Variants in SMAD2 observed in about 807,000 individuals in gnomAD.
SMAD2 encodes the protein MAD homolog 2.
SMAD2 carries 8 observed loss-of-function variants against 64.4 expected under a neutral mutation model. That is an observed-to-expected ratio of 0.12 (90% CI 0.07 to 0.22). The LOEUF (loss-of-function observed/expected upper bound fraction) is 0.22. SMAD2 is among the 10% of genes least tolerant of loss of function. SMAD2 has a pLI of 1.00. For synonymous variants in SMAD2, 203 were observed against 195.8 expected, an observed-to-expected ratio of 1.04 and a Z score of -0.31; for missense variants, 289 against 561.2, an observed-to-expected ratio of 0.51 and a Z score of 4.90.
In SMAD2 at chr18:47,850,314, ATATACATATTATGTATAAT is replaced by A. The variant is rs1568040323; in HGVS notation, c.784+941_784+959del. The stretch of plus-strand genomic sequence containing the variant: ...ATGTATAATATATATTATGTATGTT[ATATACATATTATGTATAAT>A]ATATGTTATATATATTATACATAAT... On this transcript the variant is annotated intron_variant, in intron 7 of 10. Coordinates refer to ENST00000262160, the MANE Select transcript of SMAD2 (RefSeq NM_005901.6). Among the ~76,000 whole-genome samples the A allele has an allele frequency of 4.9e-4, 15 of 30,434 alleles. 3 individuals carry two copies. The highest frequency in any genetic ancestry group is 3.6e-3 in the East Asian group (3 of 844). The allele number at this position is 30,434 out of a possible 152,430, so 20.0% of individuals were successfully genotyped here.
chr18:47,821,915 G>T lies in SMAD2; in HGVS notation c.*19912C>A, dbSNP rs983005865. On this transcript the variant is annotated 3_prime_UTR_variant, in exon 11 of 11. Coordinates refer to ENST00000262160, the MANE Select transcript of SMAD2 (RefSeq NM_005901.6). ...TTCGAACTTTTGACATCTTTGACAG[G>T]CTTCTCTAGGCTCAAGTTCTAAATT... 6.6e-6 allele frequency: 1 copy of T among 152,112 alleles called. No homozygotes were observed. The highest frequency in any genetic ancestry group is 1.9e-4 in the East Asian group (1 of 5,194). The allele number at this position is 152,112 out of a possible 1,614,324, so 9.4% of individuals were successfully genotyped here. A position where few individuals can be genotyped will look rare whatever the true frequency, so the allele number is the denominator to read the frequency against.
chr18:47,895,292 CCT>C (rs1387952342), intron 2 of SMAD2: 1 of 152,156 alleles, frequency 6.6e-6, no homozygotes, highest in Non-Finnish European at 1.5e-5. Context: ...CTGGCTCTTC[CCT>C]CTGCCTAGAA....
At chr18:47,894,824 T>C (rs974953323) in intron 2 of SMAD2, among the ~76,000 whole-genome samples, 1 of 152,200 alleles carries the variant, frequency 6.6e-6, no homozygotes, top group African/African-American at 2.4e-5. Flanking sequence ...AGTGGGCATA[T>C]GATAAATGGT....
rs1176684519 is a variant in SMAD2, at chr18:47,831,080, G to A, written c.*10747C>T. The A allele has an allele frequency of 6.6e-6, 1 of 152,298 alleles. No homozygotes were observed. The highest frequency in any genetic ancestry group is 2.4e-5 in the African/African-American group (1 of 41,462). 9.4% of individuals were successfully genotyped at this position (152,298 alleles called of 1,614,324 possible). On this transcript the variant is annotated 3_prime_UTR_variant, in exon 11 of 11. Coordinates refer to ENST00000262160, the MANE Select transcript of SMAD2 (RefSeq NM_005901.6). ...ACCACTGCCCCCAAATGACTGCTCA[G>A]AAGCACAATCTCACTGCAAACTATG...
rs1188531124 is a variant in SMAD2, at chr18:47,836,799, C to T, written c.*5028G>A. 1 of 217,472 alleles carries T rather than the reference C, an allele frequency of 4.6e-6. No individual in the cohort carries two copies. Among genetic ancestry groups the T allele is most frequent in the Admixed American group, 5.9e-5 (1 of 17,068 alleles). 13.5% of individuals were successfully genotyped at this position (217,472 alleles called of 1,614,324 possible). On this transcript the variant is annotated 3_prime_UTR_variant, in exon 11 of 11. Transcript: ENST00000262160. ...GGCTATCTAGTATAGCTCATATTTC[C>T]TGGTTGTAAGGCTCAAAACACAGGA...
At chr18:47,874,664 G>A (rs918096597) in intron 2 of SMAD2, among the ~76,000 whole-genome samples, 2 of 152,014 alleles carry the variant, frequency 1.3e-5, no homozygotes, top group Admixed American at 6.6e-5. Context: ...ATATGGAAAG[G>A]TCTAAAATAT....
chr18:47,925,324 A>C (rs2034720135), intron 1 of SMAD2, among the ~76,000 whole-genome samples: 1 of 152,194 alleles, frequency 6.6e-6, no homozygotes, highest in Non-Finnish European at 1.5e-5. Flanking sequence ...AAGACTACAA[A>C]CCTAAAGATA....
chr18:47,864,420 T>C (rs908973939), intron 6 of SMAD2, among the ~76,000 whole-genome samples: 5 of 152,168 alleles, frequency 3.3e-5, no homozygotes, highest in Admixed American at 6.5e-5. Context: ...CAGGTTGTGA[T>C]ATTAAGGTGT....
chr18:47,885,470 T>G (rs2032852282), intron 2 of SMAD2, among the ~76,000 whole-genome samples: 2 of 152,026 alleles, frequency 1.3e-5, no homozygotes. Context: ...GTCTGGCCAA[T>G]ATATACTGTT....
Position 47,825,676 on chromosome 18 carries a change from C to T in SMAD2, c.*16151G>A, listed in dbSNP as rs1420538537. Reference sequence around the variant, plus strand: ...AAAAGCTGAGGACTGCTGTCGACTCCACTTTCAAGGGCTACCAAGCACAGC... The same window carrying T: ...AAAAGCTGAGGACTGCTGTCGACTCTACTTTCAAGGGCTACCAAGCACAGC... On this transcript the variant is annotated 3_prime_UTR_variant, in exon 11 of 11. Coordinates refer to ENST00000262160, the MANE Select transcript of SMAD2 (RefSeq NM_005901.6). 3 of 152,238 alleles carry T rather than the reference C, an allele frequency of 2.0e-5. No homozygotes were observed. Among genetic ancestry groups the T allele is most frequent in the African/African-American group, 7.2e-5 (3 of 41,438 alleles). The allele number at this position is 152,238 out of a possible 1,614,324, so 9.4% of individuals were successfully genotyped here.
At chr18:47,859,292 A>G (rs1163281656) in intron 6 of SMAD2, among the ~76,000 whole-genome samples, 1 of 152,192 alleles carries the variant, frequency 6.6e-6, no homozygotes, top group Non-Finnish European at 1.5e-5. Flanking sequence ...GAGATTTTAA[A>G]AAATCATAAA....
At chr18:47,886,561 ATATC>A (rs1555655772) in intron 2 of SMAD2, among the ~76,000 whole-genome samples, 1 of 135,114 alleles carries the variant, frequency 7.4e-6, no homozygotes, top group African/African-American at 2.8e-5. Flanking sequence ...AACTATATCT[ATATC>A]TATCCATCTA....
rs959314878 is a variant in SMAD2 at position 47,821,051 on chromosome 18, G to T, written c.*20776C>A. 1.3e-5 allele frequency: 2 copies of T among 151,970 alleles called. No homozygotes were observed. Among genetic ancestry groups the T allele is most frequent in the African/African-American group, 4.8e-5 (2 of 41,384 alleles). 9.4% of individuals were successfully genotyped at this position (151,970 alleles called of 1,614,324 possible). A position where few individuals can be genotyped will look rare whatever the true frequency, so the allele number is the denominator to read the frequency against. ...AAAATCAGCCATCTTCTAAACCACA[G>T]TTTAAATTTCTGCCATATTTCCTTC... is the stretch of plus-strand genomic sequence containing the variant. On this transcript the variant is annotated 3_prime_UTR_variant, in exon 11 of 11. Transcript: ENST00000262160.
chr18:47,843,678 G>C lies in SMAD2; in HGVS notation c.1280+1662C>G, dbSNP rs1914194456. On this transcript the variant is annotated intron_variant, in intron 10 of 10. Transcript: ENST00000262160. ...CAGATAGATGGATATTTGCCATTTT[G>C]ATTTGTAAATGTTACAGGAAACTAC... 2.0e-5 allele frequency among the ~76,000 whole-genome samples: 3 copies of C among 152,266 alleles called. No individual in the cohort carries two copies. The South Asian group carries it at 6.2e-4, about 32-fold the overall frequency.
At chr18:47,926,016 T>C (rs780953298) in intron 1 of SMAD2, among the ~76,000 whole-genome samples, 1 of 152,256 alleles carries the variant, frequency 6.6e-6, no homozygotes, top group Non-Finnish European at 1.5e-5. Context: ...TGAAAATTTA[T>C]ATGATACTCC....
intron 1 of SMAD2, among the ~76,000 whole-genome samples, chr18:47,910,318 T>G (rs58060476): frequency 0.057 from 8,604 of 151,660 alleles, 630 homozygotes; most frequent in East Asian, 0.21. Flanking sequence ...CTCCAGATGA[T>G]GAGGAAGAAG....
At chr18:47,842,409 G>A (rs1046966063) in intron 10 of SMAD2, among the ~76,000 whole-genome samples, 6 of 152,002 alleles carry the variant, frequency 3.9e-5, no homozygotes, top group African/African-American at 9.7e-5. Flanking sequence ...GCGTGGTGGC[G>A]TGTGCCTGTA....
In SMAD2 at chr18:47,840,363, CATA is replaced by C. The variant is rs1913826934; in HGVS notation, c.*1461_*1463del. On this transcript the variant is annotated 3_prime_UTR_variant, in exon 11 of 11. Transcript: ENST00000262160. ...TAAACTGCAATGAGTCAACATCAGA[CATA>C]ATAATTATTTGCTGCAGAATGAACT... 4.3e-6 allele frequency: 1 copy of C among 232,696 alleles called. No individual in the cohort carries two copies. The highest frequency in any genetic ancestry group is 2.2e-5 in the African/African-American group (1 of 45,310). 14.4% of individuals were successfully genotyped at this position (232,696 alleles called of 1,614,324 possible). A position where few individuals can be genotyped will look rare whatever the true frequency, so the allele number is the denominator to read the frequency against.
intron 2 of SMAD2, among the ~76,000 whole-genome samples, chr18:47,879,609 T>G (rs1015818772): frequency 6.6e-6 from 1 of 152,000 alleles, no homozygotes; most frequent in African/African-American, 2.4e-5. Context: ...TTGCCAGGTT[T>G]TAATTATTGT....
Sources: gnomAD v4.1 joint callset for allele counts (sites outside exome capture counted in the v4.1 genomes callset) on GRCh38, gnomAD v4.1.1 for gene constraint, MANE v1.5 for transcripts, NCBI Gene and HGNC (gene_info 2026-07-23, HGNC 2026-07-21) for gene names.